The following FAF1 variants were observed in gnomAD, a reference collection of about 807,000 sequenced individuals.
The protein encoded by FAF1 is FAS-associated factor 1.
In FAF1, 25 loss-of-function variants were observed where a neutral mutation model predicts 92.5. The observed-to-expected ratio is 0.27, with a 90% confidence interval of 0.20 to 0.38. The LOEUF is 0.38. FAF1 is among the 10% of genes least tolerant of loss of function. The pLI is 1.00. For missense variants in FAF1, 636 were observed against 793.3 expected (o/e 0.80, Z 2.38); for synonymous variants, 234 against 273.2 (o/e 0.86, Z 1.42).
At chr1:50,722,340 A>T (rs1477082136) in intron 6 of FAF1, among the ~76,000 whole-genome samples, 1 of 152,164 alleles carries the variant, frequency 6.6e-6, no homozygotes, top group African/African-American at 2.4e-5. Context: ...CAAAGACACG[A>T]ATAACTTGGA....
At chr1:50,953,971 C>T (rs999351291) in intron 1 of FAF1, among the ~76,000 whole-genome samples, 9 of 151,234 alleles carry the variant, frequency 6.0e-5, no homozygotes, top group East Asian at 3.9e-4. Context: ...TTATTTGAGA[C>T]GGAGTCTCCC....
rs55859203 is a variant in FAF1 at position 50,791,380 on chromosome 1, G to A, written c.162-3175C>T. ...TCTATATAGTCTACTCTGTGATGCT[G>A]GGGCCAGTATTCTGCAAAACTGTAT... is the stretch of plus-strand genomic sequence containing the variant. On this transcript the variant is annotated intron_variant, in intron 3 of 18. Transcript: ENST00000396153. Among the ~76,000 whole-genome samples the A allele has an allele frequency of 7.7e-3, 1,177 of 152,306 alleles. 13 individuals are homozygous for A. The highest frequency in any genetic ancestry group is 0.027 in the African/African-American group (1,137 of 41,570).
intron 7 of FAF1, among the ~76,000 whole-genome samples, chr1:50,665,113 A>T (rs1166276582): frequency 6.6e-6 from 1 of 152,270 alleles, no homozygotes; most frequent in Admixed American, 6.5e-5. Context: ...CTTTCCAGGA[A>T]GGAAAACACC....
intron 15 of FAF1, among the ~76,000 whole-genome samples, chr1:50,519,091 G>T (rs779743616): frequency 7.9e-5 from 12 of 152,014 alleles, no homozygotes; most frequent in Non-Finnish European, 1.5e-4. Flanking sequence ...TAGCACTTTG[G>T]GAGGCCGAGG....
At chr1:50,651,442 T>C (rs765597154) in intron 8 of FAF1, among the ~76,000 whole-genome samples, 87 of 152,192 alleles carry the variant, frequency 5.7e-4, no homozygotes, top group Non-Finnish European at 9.6e-4. Flanking sequence ...TCTTGATCTA[T>C]GGTATTTTCA....
chr1:50,848,979 C>T (rs1413897655), intron 2 of FAF1, among the ~76,000 whole-genome samples: 5 of 152,140 alleles, frequency 3.3e-5, no homozygotes, highest in African/African-American at 1.2e-4. Flanking sequence ...TTGTACTAAG[C>T]CAGGCGCAGT....
At chr1:50,471,508 C>T (rs947291475) in intron 18 of FAF1, among the ~76,000 whole-genome samples, 3 of 152,158 alleles carry the variant, frequency 2.0e-5, no homozygotes, top group African/African-American at 7.2e-5. Context: ...GTTATAGTTA[C>T]AGAGATAAAA....
chr1:50,508,995 T>C (rs1647097422), intron 15 of FAF1, among the ~76,000 whole-genome samples: 1 of 152,204 alleles, frequency 6.6e-6, no homozygotes, highest in South Asian at 2.1e-4. Flanking sequence ...TGAGCCACTG[T>C]GCCTGGCCCA....
rs1173798415 is a variant in FAF1, at chr1:50,437,305, A to T, written c.*4135T>A. 6.6e-6 allele frequency: 1 copy of T among 152,132 alleles called. No homozygotes were observed. The highest frequency in any genetic ancestry group is 2.4e-5 in the African/African-American group (1 of 41,408). 9.4% of individuals were successfully genotyped at this position (152,132 alleles called of 1,614,324 possible). ...GATGACGTAAATGGTGATTCTTAAAATTTTTTGATCAATAGGTCCCACTGA... is the reference window on the plus strand; with the variant it reads ...GATGACGTAAATGGTGATTCTTAAATTTTTTTGATCAATAGGTCCCACTGA... On this transcript the variant is annotated 3_prime_UTR_variant, in exon 19 of 19. Coordinates refer to ENST00000396153, the MANE Select transcript of FAF1 (RefSeq NM_007051.3).
At chr1:50,840,254 T>C (rs188151523) in intron 2 of FAF1, among the ~76,000 whole-genome samples, 4 of 152,044 alleles carry the variant, frequency 2.6e-5, no homozygotes, top group African/African-American at 4.8e-5. Flanking sequence ...AATTCATAAA[T>C]TGAATTTTAT....
intron 8 of FAF1, among the ~76,000 whole-genome samples, chr1:50,611,968 G>A (rs1652705996): frequency 6.6e-6 from 1 of 152,164 alleles, no homozygotes; most frequent in African/African-American, 2.4e-5. Context: ...CGCTGAGCAG[G>A]AAATTCAACA....
intron 8 of FAF1, among the ~76,000 whole-genome samples, chr1:50,598,932 T>C (rs1651961737): frequency 1.3e-5 from 2 of 151,992 alleles, no homozygotes; most frequent in South Asian, 4.2e-4. Context: ...ATTGTGCCAT[T>C]GCACTCCAAC....
intron 1 of FAF1, among the ~76,000 whole-genome samples, chr1:50,904,695 T>C (rs1644821266): frequency 6.6e-6 from 1 of 152,120 alleles, no homozygotes; most frequent in African/African-American, 2.4e-5. Context: ...GTAGAAATCT[T>C]CCTGCTTATA....
At chr1:50,659,158 A>G (rs1413036288) in intron 7 of FAF1, among the ~76,000 whole-genome samples, 2 of 152,134 alleles carry the variant, frequency 1.3e-5, no homozygotes, top group Admixed American at 1.3e-4. Flanking sequence ...AAAATGATAC[A>G]GATGAATTTA....
intron 13 of FAF1, among the ~76,000 whole-genome samples, chr1:50,540,797 A>C (rs1158964979): frequency 6.6e-6 from 1 of 152,342 alleles, no homozygotes; most frequent in Admixed American, 6.5e-5. Flanking sequence ...GATCCAATTT[A>C]ATAAAGTCTG....
At chr1:50,957,357 T>C (rs1304823522) in intron 1 of FAF1, among the ~76,000 whole-genome samples, 2 of 106,150 alleles carry the variant, frequency 1.9e-5, no homozygotes, top group East Asian at 4.1e-4. Context: ...CTTTTTTTTT[T>C]TTTTTTTTTT....
chr1:50,859,693 G>A (rs1407452928), intron 1 of FAF1, among the ~76,000 whole-genome samples: 2 of 151,876 alleles, frequency 1.3e-5, no homozygotes, highest in Non-Finnish European at 2.9e-5. Flanking sequence ...GCAATCCAGA[G>A]ATTCAATGCT....
intron 13 of FAF1, among the ~76,000 whole-genome samples, chr1:50,561,392 T>G (rs1649890819): frequency 6.6e-6 from 1 of 152,204 alleles, no homozygotes; most frequent in Non-Finnish European, 1.5e-5. Flanking sequence ...GTACCATTAG[T>G]GGCTACAGGG....
chr1:50,886,194 A>T (rs1050611861), intron 1 of FAF1, among the ~76,000 whole-genome samples: 1 of 152,068 alleles, frequency 6.6e-6, no homozygotes, highest in African/African-American at 2.4e-5. Context: ...CCCTCAAGTG[A>T]TATCTTATTG....
Sources: gnomAD v4.1 joint callset for allele counts (sites outside exome capture counted in the v4.1 genomes callset) on GRCh38, gnomAD v4.1.1 for gene constraint, MANE v1.5 for transcripts, NCBI Gene and HGNC (gene_info 2026-07-23, HGNC 2026-07-21) for gene names.